The following PTPRB variants were observed in gnomAD, a reference collection of about 807,000 sequenced individuals.
PTPRB encodes protein tyrosine phosphatase receptor type B.
A neutral mutation model predicts 238.1 loss-of-function variants in PTPRB; 97 were observed. The ratio of observed to expected loss-of-function variants is 0.41; its 90% confidence interval spans 0.35 to 0.48. PTPRB has a LOEUF of 0.48. Among genes scored for constraint, PTPRB ranks in the 20% least tolerant of loss-of-function variants. The probability of loss-of-function intolerance (pLI) is 0.30; values close to 1 mark genes in which losing one functional copy is unlikely to be tolerated. For missense variants in PTPRB, 2,292 were observed against 2,681.9 expected (o/e 0.85, Z 3.21); for synonymous variants, 970 against 995.4 (o/e 0.97, Z 0.48).
At chr12:70,627,750 G>A (rs555476584) in intron 2 of PTPRB, among the ~76,000 whole-genome samples, 10 of 152,062 alleles carry the variant, frequency 6.6e-5, no homozygotes, top group Admixed American at 1.3e-4. Context: ...TTTAAAAATG[G>A]TCCACTACAA....
rs369337877 is a variant in PTPRB, at chr12:70,571,202, T to G, written c.3194A>C (p.Asp1065Ala). 37 of 1,613,834 alleles carry G rather than the reference T, an allele frequency of 2.3e-5. No homozygotes were observed. In the African/African-American group the frequency reaches 4.8e-4, roughly 21 times the overall value. Residue 1065 changes from aspartate to alanine, a missense_variant, in exon 13 of 34, where the codon GAC (aspartate) becomes GCC (alanine). Transcript: ENST00000334414. The stretch of plus-strand genomic sequence containing the variant: ...GAAGAGCAGCTGGATCTCATATTGG[T>G]CGACATCCCCATTAGCTCCTGACCA... ...VTWSGANGDV[D>A]QYEIQLLFND... is the part of the protein sequence containing the mutation.
At position 70,521,700 on chromosome 12, in the gene PTPRB, T is replaced by C. The variant is rs374394747; in HGVS notation, c.6626-189A>G. The stretch of plus-strand genomic sequence containing the variant: ...ACAGATTATTAGACTTGGAAGGGAC[T>C]AGTGATTCTAGCCCATCGCCTCTGT... On this transcript the variant is annotated intron_variant, in intron 33 of 33. Transcript: ENST00000334414. 4.6e-5 allele frequency among the ~76,000 whole-genome samples: 7 copies of C among 152,316 alleles called. No homozygotes were observed. The East Asian group carries it at 1.4e-3, about 29-fold the overall frequency.
intron 10 of PTPRB, among the ~76,000 whole-genome samples, chr12:70,577,021 T>C (rs1044116127): frequency 1.3e-5 from 2 of 152,144 alleles, no homozygotes. Flanking sequence ...ACAATCTAAA[T>C]GAATCAACTT....
At chr12:70,598,278 G>T (rs1883198656) in intron 4 of PTPRB, among the ~76,000 whole-genome samples, 1 of 152,182 alleles carries the variant, frequency 6.6e-6, no homozygotes, top group Non-Finnish European at 1.5e-5. Flanking sequence ...TAGTAGAATT[G>T]TTATGAAGAT....
At chr12:70,590,758 C>A (rs565092444) in intron 7 of PTPRB, among the ~76,000 whole-genome samples, 75 of 151,956 alleles carry the variant, frequency 4.9e-4, no homozygotes, top group Non-Finnish European at 8.2e-4. Context: ...CCTTCCCTAC[C>A]CTTTGGAAAG....
chr12:70,551,411 C>A (rs1876862563), intron 21 of PTPRB, among the ~76,000 whole-genome samples: 1 of 152,138 alleles, frequency 6.6e-6, no homozygotes. Flanking sequence ...GTAAAGGTAG[C>A]TTTACAGAGT....
At chr12:70,630,632 C>T (rs569291669) in intron 2 of PTPRB, among the ~76,000 whole-genome samples, 2 of 152,278 alleles carry the variant, frequency 1.3e-5, no homozygotes, top group African/African-American at 4.8e-5. Context: ...TCAAATTGTC[C>T]CTGTTTGCAG....
At chr12:70,576,310 T>A (rs990775190) in intron 11 of PTPRB, 72 bp downstream of exon 11, 2 of 1,483,146 alleles carry the variant, frequency 1.3e-6, no homozygotes, top group African/African-American at 2.8e-5. Flanking sequence ...ACAGAATTGC[T>A]ACAGCTCTGT....
At chr12:70,601,878 G>A (rs576757524) in intron 4 of PTPRB, among the ~76,000 whole-genome samples, 6 of 143,416 alleles carry the variant, frequency 4.2e-5, no homozygotes, top group Non-Finnish European at 6.0e-5. Flanking sequence ...TGCAAGCTCC[G>A]CCTCCCAGGT....
intron 3 of PTPRB, among the ~76,000 whole-genome samples, chr12:70,619,157 A>AGTGTGTGTGTGTGT (rs3049143): frequency 7.9e-4 from 113 of 142,196 alleles, no homozygotes; most frequent in African/African-American, 2.7e-3. Flanking sequence ...TGTTTAGGGG[A>AGTGTGTGTGTGTGT]GTGTGTGTGT....
chr12:70,526,254 G>A (rs1198746260), intron 32 of PTPRB, among the ~76,000 whole-genome samples: 1 of 152,132 alleles, frequency 6.6e-6, no homozygotes, highest in Admixed American at 6.5e-5. Context: ...CTAAGCTGGA[G>A]TACAGTGACA....
rs1336557418 is a variant in PTPRB, at chr12:70,566,693, C to T, written c.3646G>A (p.Val1216Ile). 1 of 1,612,886 alleles carries T rather than the reference C, an allele frequency of 6.2e-7. No homozygotes were observed. The highest frequency in any genetic ancestry group is 1.3e-5 in the African/African-American group (1 of 74,902). ...NVVGRTVPAS[V>I]QGVIADNAYS... The stretch of plus-strand genomic sequence containing the variant: ...GCATTGTCTGCAATTACTCCTTGGA[C>T]AGATGCTGGAACTGCAGAGAGACAA... Residue 1216 changes from valine (V) to isoleucine (I), a missense_variant, in exon 15 of 34, where the codon GTC becomes ATC. Coordinates refer to ENST00000334414, the MANE Select transcript of PTPRB (RefSeq NM_001109754.4).
At chr12:70,541,413 GGGA>G (rs1875094056) in intron 22 of PTPRB, 1 of 153,618 alleles carries the variant, frequency 6.5e-6, no homozygotes, top group Non-Finnish European at 1.4e-5. Flanking sequence ...TAACGCTACT[GGGA>G]GTTTATGAAG....
At chr12:70,530,360 A>C (rs1183815299) in intron 32 of PTPRB, among the ~76,000 whole-genome samples, 1 of 152,144 alleles carries the variant, frequency 6.6e-6, no homozygotes, top group African/African-American at 2.4e-5. Context: ...GTACACACTT[A>C]TATACCCGTA....
chr12:70,624,174 T>C (rs1592604102), intron 2 of PTPRB, among the ~76,000 whole-genome samples: 1 of 152,176 alleles, frequency 6.6e-6, no homozygotes, highest in African/African-American at 2.4e-5. Context: ...ATTTTTAGTA[T>C]AATTCAGTAT....
At chr12:70,616,840 T>G (rs1406937280) in intron 3 of PTPRB, among the ~76,000 whole-genome samples, 1 of 152,048 alleles carries the variant, frequency 6.6e-6, no homozygotes, top group Non-Finnish European at 1.5e-5. Flanking sequence ...CATGGTTGTA[T>G]TTTATGTGCA....
intron 26 of PTPRB, chr12:70,539,316 GC>G: frequency 7.5e-6 from 4 of 533,250 alleles, no homozygotes; most frequent in Non-Finnish European, 1.0e-5. Context: ...GCATCTTCCA[GC>G]CAAGCAAATG....
chr12:70,620,340 C>T (rs1030921519), intron 3 of PTPRB, among the ~76,000 whole-genome samples: 1 of 152,220 alleles, frequency 6.6e-6, no homozygotes, highest in Non-Finnish European at 1.5e-5. Flanking sequence ...GTCCCAGACT[C>T]TTGACTGCAG....
intron 7 of PTPRB, among the ~76,000 whole-genome samples, chr12:70,590,949 T>TG (rs1592549699): frequency 6.7e-6 from 1 of 148,544 alleles, no homozygotes; most frequent in East Asian, 2.0e-4. Flanking sequence ...AGTTTTTTTT[T>TG]TTTTTTTTTT....
Sources: gnomAD v4.1 joint callset for allele counts (sites outside exome capture counted in the v4.1 genomes callset) on GRCh38, gnomAD v4.1.1 for gene constraint, MANE v1.5 for transcripts, NCBI Gene and HGNC (gene_info 2026-07-23, HGNC 2026-07-21) for gene names.